XXYLT1: variants seen among roughly 807,000 people sequenced by gnomAD.
XXYLT1 encodes xyloside xylosyltransferase 1.
A neutral mutation model predicts 28.9 loss-of-function variants in XXYLT1; 20 were observed. The observed-to-expected ratio is 0.69, with a 90% CI of 0.49 to 1.00. XXYLT1 has a LOEUF of 1.00. Among genes scored for constraint, XXYLT1 ranks in the 50% least tolerant of loss-of-function variants. The probability of loss-of-function intolerance (pLI) is 0.00; values close to 1 mark genes in which losing one functional copy is unlikely to be tolerated. For synonymous variants in XXYLT1, 257 were observed against 253.8 expected (o/e 1.01, Z -0.12); for missense variants, 542 against 560.1 (o/e 0.97, Z 0.33).
intron 3 of XXYLT1, among the ~76,000 whole-genome samples, chr3:195,122,715 A>G (rs75311566): frequency 6.6e-6 from 1 of 152,210 alleles, no homozygotes; most frequent in African/African-American, 2.4e-5. Context: ...TTTTGGTTTC[A>G]CATTATTGAC....
chr3:195,112,850 C>T (rs1022500312), intron 3 of XXYLT1, among the ~76,000 whole-genome samples: 1 of 147,544 alleles, frequency 6.8e-6, no homozygotes, highest in Admixed American at 6.9e-5. Context: ...CACACACCCA[C>T]ACGCATGCAC....
intron 2 of XXYLT1, among the ~76,000 whole-genome samples, chr3:195,215,864 T>C (rs1010576375): frequency 6.6e-6 from 1 of 152,158 alleles, no homozygotes; most frequent in Non-Finnish European, 1.5e-5. Context: ...ATCAACAGAA[T>C]ATACATTTTT....
chr3:195,143,065 C>A (rs4677812), intron 3 of XXYLT1, among the ~76,000 whole-genome samples: 59,598 of 152,046 alleles, frequency 0.39, 13,565 homozygotes, highest in East Asian at 0.84. Context: ...TTTCTGGACA[C>A]GAATTATGCT....
intron 1 of XXYLT1, among the ~76,000 whole-genome samples, chr3:195,243,309 T>C (rs547753397): frequency 1.3e-5 from 2 of 151,522 alleles, no homozygotes; most frequent in South Asian, 2.1e-4. Context: ...TGTATACATA[T>C]GTAACAAACC....
chr3:195,073,052 GC>G (rs1714917167), intron 3 of XXYLT1, among the ~76,000 whole-genome samples: 2 of 152,190 alleles, frequency 1.3e-5, no homozygotes, highest in African/African-American at 4.8e-5. Flanking sequence ...CTCCCTGGCA[GC>G]CCAGGGACAT....
chr3:195,157,205 T>G (rs142632615), intron 2 of XXYLT1, among the ~76,000 whole-genome samples: 1 of 128,960 alleles, frequency 7.8e-6, no homozygotes, highest in African/African-American at 3.0e-5. Flanking sequence ...ATCGCGCCAC[T>G]GCACTCCAGC....
chr3:195,158,743 T>C (rs540890649), intron 2 of XXYLT1, among the ~76,000 whole-genome samples: 88 of 152,254 alleles, frequency 5.8e-4, no homozygotes, highest in Admixed American at 2.3e-3. Flanking sequence ...CAGCCTGCAC[T>C]GTCCTGCGGG....
intron 3 of XXYLT1, among the ~76,000 whole-genome samples, chr3:195,080,109 G>A (rs1429121142): frequency 6.6e-6 from 1 of 152,214 alleles, no homozygotes; most frequent in Non-Finnish European, 1.5e-5. Context: ...GCAGGGGCGG[G>A]AGGAGAACGT....
At chr3:195,236,553 C>T (rs1436386997) in intron 1 of XXYLT1, among the ~76,000 whole-genome samples, 1 of 151,758 alleles carries the variant, frequency 6.6e-6, no homozygotes, top group Non-Finnish European at 1.5e-5. Flanking sequence ...AGGCCTGGAA[C>T]TGGGGACCCC....
At chr3:195,074,548 T>C (rs565440391) in intron 3 of XXYLT1, among the ~76,000 whole-genome samples, 1 of 152,246 alleles carries the variant, frequency 6.6e-6, no homozygotes, top group East Asian at 1.9e-4. Flanking sequence ...AAAGCAACAC[T>C]CAGCAGCTGT....
At chr3:195,258,323 GC>G (rs1725555434) in intron 1 of XXYLT1, among the ~76,000 whole-genome samples, 1 of 152,166 alleles carries the variant, frequency 6.6e-6, no homozygotes, top group Non-Finnish European at 1.5e-5. Context: ...CTCCCCAGAG[GC>G]CCGGCCTTTT....
rs891980633 is a variant in XXYLT1, at chr3:195,078,377, C to T, written c.786-8266G>A. Among the ~76,000 whole-genome samples the T allele has an allele frequency of 2.6e-5, 4 of 152,124 alleles. No homozygotes were observed. The highest frequency in any genetic ancestry group is 9.7e-5 in the African/African-American group (4 of 41,416). The stretch of plus-strand genomic sequence containing the variant: ...CCGAGAGGCCCGTAGCGAGTCAGGC[C>T]ATGGGGGCCTTTTCTGCTGTGGGAG... On this transcript the variant is annotated intron_variant, in intron 3 of 3. Coordinates refer to ENST00000310380, the MANE Select transcript of XXYLT1 (RefSeq NM_152531.5). The surrounding 1 kb of genome is among the most constrained non-coding windows in gnomAD (Gnocchi z 5.0).
intron 3 of XXYLT1, among the ~76,000 whole-genome samples, chr3:195,121,566 C>CA (rs929561623): frequency 2.6e-5 from 4 of 152,206 alleles, no homozygotes; most frequent in African/African-American, 4.8e-5. Context: ...CCCTACGCCC[C>CA]ACTCTAAAAC....
chr3:195,115,724 T>C lies in XXYLT1; in HGVS notation c.785+40725A>G, dbSNP rs1446318990. Among the ~76,000 whole-genome samples the C allele has an allele frequency of 6.6e-6, 1 of 151,448 alleles. No homozygotes were observed. The highest frequency in any genetic ancestry group is 1.5e-5 in the Non-Finnish European group (1 of 67,876). On this transcript the variant is annotated intron_variant, in intron 3 of 3. Coordinates refer to ENST00000310380, the MANE Select transcript of XXYLT1 (RefSeq NM_152531.5). This position sits in a 1 kb window ranked among gnomAD's most constrained non-coding sequence, Gnocchi z 4.2. ...GTGCGCTCTCACCTTTGAGCTGAGG[T>C]GTTCACGTCCGAGGTGGAGGAAGGA...
intron 2 of XXYLT1, among the ~76,000 whole-genome samples, chr3:195,206,986 G>C (rs917240709): frequency 1.3e-4 from 19 of 150,920 alleles, no homozygotes; most frequent in African/African-American, 4.2e-4. Context: ...CATAATAAAA[G>C]GTGGAGGGGG....
intron 3 of XXYLT1, among the ~76,000 whole-genome samples, chr3:195,088,562 C>A (rs1372623970): frequency 1.3e-4 from 16 of 120,402 alleles, no homozygotes; most frequent in Admixed American, 1.3e-3. Flanking sequence ...TAGATAAAAC[C>A]ACAAAGATGG....
chr3:195,185,557 G>GT (rs1195443188), intron 2 of XXYLT1, among the ~76,000 whole-genome samples: 5 of 148,626 alleles, frequency 3.4e-5, no homozygotes, highest in African/African-American at 1.2e-4. Context: ...AGGACCATGG[G>GT]TAATAAGGTC....
At position 195,256,721 on chromosome 3, in the gene XXYLT1, G is replaced by A. The variant is rs955173167; in HGVS notation, c.504+13834C>T. On this transcript the variant is annotated intron_variant, in intron 1 of 3. Coordinates refer to ENST00000310380, the MANE Select transcript of XXYLT1 (RefSeq NM_152531.5). This position sits in a 1 kb window ranked among gnomAD's most constrained non-coding sequence, Gnocchi z 4.2. ...ATGAGAAACTGAGGCAAAGACATCA[G>A]AAGGCCTTGCTAACAGAAGCCAGGG... Among the ~76,000 whole-genome samples the A allele has an allele frequency of 2.0e-5, 3 of 152,218 alleles. No homozygotes were observed. The highest frequency in any genetic ancestry group is 4.8e-5 in the African/African-American group (2 of 41,446).
At chr3:195,200,349 T>A (rs1722800610) in intron 2 of XXYLT1, among the ~76,000 whole-genome samples, 1 of 152,214 alleles carries the variant, frequency 6.6e-6, no homozygotes, top group Non-Finnish European at 1.5e-5. Flanking sequence ...TAAAATGGGA[T>A]AAATGACCAT....
Sources: gnomAD v4.1 joint callset for allele counts (sites outside exome capture counted in the v4.1 genomes callset) on GRCh38, gnomAD v4.1.1 for gene constraint, Gnocchi (gnomAD v3.1) non-coding constraint, MANE v1.5 for transcripts, NCBI Gene and HGNC (gene_info 2026-07-23, HGNC 2026-07-21) for gene names.